The following GRID2 variants were observed in gnomAD, a reference collection of about 807,000 sequenced individuals.
GRID2 encodes glutamate ionotropic receptor delta type subunit 2.
Under a neutral mutation model 114.8 loss-of-function variants are expected in GRID2, and 33 were observed. That is an observed-to-expected ratio of 0.29 (90% CI 0.22 to 0.38). The LOEUF is 0.38. Among genes scored for constraint, GRID2 ranks in the 10% least tolerant of loss-of-function variants. GRID2 has a pLI of 1.00. For synonymous variants in GRID2, 505 were observed against 449.9 expected (o/e 1.12, Z -1.55); for missense variants, 1,184 against 1,257.7 (o/e 0.94, Z 0.89).
chr4:92,464,572 A>C (rs2149090451), intron 1 of GRID2, among the ~76,000 whole-genome samples: 1 of 152,142 alleles, frequency 6.6e-6, no homozygotes, highest in Admixed American at 6.6e-5. Flanking sequence ...TAAGACTTTC[A>C]AAAATCCTTA....
In GRID2 at chr4:92,603,909, A is replaced by T. The variant is rs191683870; in HGVS notation, c.244+13623A>T. 2.6e-5 allele frequency among the ~76,000 whole-genome samples: 4 copies of T among 152,170 alleles called. No homozygotes were observed. The East Asian group carries it at 7.7e-4, about 29-fold the overall frequency. On this transcript the variant is annotated intron_variant, in intron 2 of 15. Coordinates refer to ENST00000282020, the MANE Select transcript of GRID2 (RefSeq NM_001510.4). ...CACTTCTCAAAAATAAAATAAAAAA[A>T]CATTTATATGGCCAAAAACATGAAA...
At chr4:92,457,404 C>G (rs1301119299) in intron 1 of GRID2, among the ~76,000 whole-genome samples, 1 of 152,010 alleles carries the variant, frequency 6.6e-6, no homozygotes, top group Non-Finnish European at 1.5e-5. Flanking sequence ...GGCTTAGTAC[C>G]TTGCATAGTA....
intron 14 of GRID2, among the ~76,000 whole-genome samples, chr4:93,655,539 G>T (rs1219711366): frequency 1.3e-5 from 2 of 152,054 alleles, no homozygotes; most frequent in African/African-American, 4.8e-5. Flanking sequence ...TAAGAAAATT[G>T]TAAAAGCCGA....
chr4:92,634,538 C>G (rs974455833), intron 2 of GRID2, among the ~76,000 whole-genome samples: 4 of 152,028 alleles, frequency 2.6e-5, no homozygotes, highest in African/African-American at 9.7e-5. Flanking sequence ...TAGAAACACA[C>G]ACTTCCAGAA....
chr4:92,856,227 C>T (rs746518636), intron 2 of GRID2, among the ~76,000 whole-genome samples: 39 of 151,994 alleles, frequency 2.6e-4, no homozygotes, highest in Non-Finnish European at 4.1e-4. Flanking sequence ...ACAATTTACA[C>T]GACATATTTT....
chr4:92,341,157 T>A (rs1243044380), intron 1 of GRID2, among the ~76,000 whole-genome samples: 1 of 152,220 alleles, frequency 6.6e-6, no homozygotes, highest in Non-Finnish European at 1.5e-5. Flanking sequence ...TGCCCTTTTT[T>A]ATTTAATATA....
rs1734196035 is a variant in GRID2 at position 93,772,539 on chromosome 4, C to G, written c.*41C>G. 2 of 1,391,372 alleles carry G rather than the reference C, an allele frequency of 1.4e-6. No homozygotes were observed. Among genetic ancestry groups the G allele is most frequent in the African/African-American group, 2.9e-5 (2 of 69,300 alleles). The allele number at this position is 1,391,372 out of a possible 1,614,324, so 86.2% of individuals were successfully genotyped here. On this transcript the variant is annotated 3_prime_UTR_variant, in exon 16 of 16. Coordinates refer to ENST00000282020, the MANE Select transcript of GRID2 (RefSeq NM_001510.4). ...CTTCACTGTTTCTTTTTTAGGACTC[C>G]CTTTGCAAGGAGCAACTGTAATATT... is the stretch of plus-strand genomic sequence containing the variant.
chr4:92,508,317 G>A (rs975353346), intron 1 of GRID2, among the ~76,000 whole-genome samples: 1 of 151,890 alleles, frequency 6.6e-6, no homozygotes, highest in African/African-American at 2.4e-5. Context: ...GTGGTATGTA[G>A]TTCTAGTGCT....
At chr4:93,517,363 G>T (rs1208590701) in intron 13 of GRID2, among the ~76,000 whole-genome samples, 2 of 152,034 alleles carry the variant, frequency 1.3e-5, no homozygotes, top group African/African-American at 4.8e-5. Context: ...CTGTTGATAA[G>T]GAGGGCTAAT....
intron 8 of GRID2, among the ~76,000 whole-genome samples, chr4:93,367,675 A>C (rs1762472434): frequency 6.6e-6 from 1 of 152,194 alleles, no homozygotes; most frequent in East Asian, 1.9e-4. Context: ...GACTTCTAGC[A>C]AAGTACTGGA....
chr4:93,358,254 A>G (rs1181824904), intron 8 of GRID2, among the ~76,000 whole-genome samples: 2 of 151,856 alleles, frequency 1.3e-5, no homozygotes, highest in African/African-American at 4.8e-5. Context: ...TTTATTAGCT[A>G]TTACTTTAAA....
At chr4:92,717,495 C>T (rs1735607689) in intron 2 of GRID2, among the ~76,000 whole-genome samples, 2 of 152,132 alleles carry the variant, frequency 1.3e-5, no homozygotes, top group Admixed American at 1.3e-4. Context: ...ATTTAATATG[C>T]TAACCCATTT....
At position 93,532,239 on chromosome 4, in the gene GRID2, T is replaced by G. The variant is rs540935685; in HGVS notation, c.2193+16828T>G. Among the ~76,000 whole-genome samples the G allele has an allele frequency of 3.3e-5, 5 of 152,286 alleles. 1 individual carries two copies. In the South Asian group the frequency reaches 1.0e-3, roughly 32 times the overall value. On this transcript the variant is annotated intron_variant, in intron 13 of 15. Coordinates refer to ENST00000282020, the MANE Select transcript of GRID2 (RefSeq NM_001510.4). ...CATGTATTTTAATCTCCTGAGTGTC[T>G]GGGGTTTTTTAACATTTAAAAATTA...
At chr4:93,477,447 T>C (rs1485564164) in intron 11 of GRID2, among the ~76,000 whole-genome samples, 2 of 152,058 alleles carry the variant, frequency 1.3e-5, no homozygotes, top group East Asian at 3.9e-4. Context: ...ACCTATGAAT[T>C]AGTGGAAATT....
chr4:92,771,025 A>G (rs1738517651), intron 2 of GRID2, among the ~76,000 whole-genome samples: 1 of 152,172 alleles, frequency 6.6e-6, no homozygotes, highest in Admixed American at 6.6e-5. Flanking sequence ...AAAAATCATG[A>G]TGTATTGTGG....
In GRID2 at chr4:92,674,715, G is replaced by A. The variant is rs551977546; in HGVS notation, c.244+84429G>A. Reference sequence around the variant, plus strand: ...TTTTTGTATTTTTAGTAGAGATGGGGTTTCACCATCTTGGCCAGGCTGGTC... The same window carrying A: ...TTTTTGTATTTTTAGTAGAGATGGGATTTCACCATCTTGGCCAGGCTGGTC... On this transcript the variant is annotated intron_variant, in intron 2 of 15. Coordinates refer to ENST00000282020, the MANE Select transcript of GRID2 (RefSeq NM_001510.4). Among the ~76,000 whole-genome samples the A allele has an allele frequency of 6.6e-5, 10 of 152,120 alleles. No individual in the cohort carries two copies. The South Asian group carries it at 2.1e-3, about 32-fold the overall frequency.
intron 2 of GRID2, among the ~76,000 whole-genome samples, chr4:92,988,782 T>C (rs1039056078): frequency 6.6e-6 from 1 of 152,196 alleles, no homozygotes; most frequent in African/African-American, 2.4e-5. Flanking sequence ...AATAGCATAA[T>C]TGTGGAATAA....
intron 2 of GRID2, among the ~76,000 whole-genome samples, chr4:92,696,566 C>T (rs1431703186): frequency 6.6e-6 from 1 of 151,992 alleles, no homozygotes; most frequent in Non-Finnish European, 1.5e-5. Context: ...AATCTTTTAT[C>T]CCAACCAAAC....
rs1470454285 is a variant in GRID2, at chr4:93,159,589, A to G, written c.736-47815A>G. Reference sequence around the variant, plus strand: ...AAAAGAAAGATTACTAATACAGAAGAGTCTTAGCTACTGTAACACTTAGAG... The same window carrying G: ...AAAAGAAAGATTACTAATACAGAAGGGTCTTAGCTACTGTAACACTTAGAG... On this transcript the variant is annotated intron_variant, in intron 4 of 15. Coordinates refer to ENST00000282020, the MANE Select transcript of GRID2 (RefSeq NM_001510.4). Among the ~76,000 whole-genome samples the G allele has an allele frequency of 2.0e-5, 3 of 151,736 alleles. No homozygotes were observed. In the East Asian group the frequency reaches 5.8e-4, roughly 29 times the overall value.
Sources: gnomAD v4.1 joint callset for allele counts (sites outside exome capture counted in the v4.1 genomes callset) on GRCh38, gnomAD v4.1.1 for gene constraint, MANE v1.5 for transcripts, NCBI Gene and HGNC (gene_info 2026-07-23, HGNC 2026-07-21) for gene names.